Variants in BCHE observed in about 807,000 individuals in gnomAD.
The protein encoded by BCHE is butyrylcholinesterase, also known as cholinesterase.
In BCHE, 48 loss-of-function variants were observed where a neutral mutation model predicts 51.3. That is an observed-to-expected ratio of 0.94 (90% confidence interval 0.74 to 1.19). The LOEUF (loss-of-function observed/expected upper bound fraction) is 1.19. Ranked by LOEUF, BCHE falls within the 50% of genes most tolerant of loss-of-function variation. The pLI, the probability that BCHE is intolerant of heterozygous loss-of-function variation, is 0.00. For synonymous variants in BCHE, 251 were observed against 238.0 expected, an observed-to-expected ratio of 1.05 and a Z score of -0.50; for missense variants, 847 against 708.2, an observed-to-expected ratio of 1.20 and a Z score of -2.23.
At chr3:165,783,753 C>G (rs908214339) in intron 3 of BCHE, among the ~76,000 whole-genome samples, 5 of 151,926 alleles carry the variant, frequency 3.3e-5, no homozygotes, top group African/African-American at 1.2e-4. Context: ...GACAGTGGGT[C>G]ATTTTTCTAC....
At chr3:165,793,228 A>G (rs1713240891) in intron 2 of BCHE, among the ~76,000 whole-genome samples, 1 of 152,188 alleles carries the variant, frequency 6.6e-6, no homozygotes. Context: ...ACAAATTTCA[A>G]TACAGCTATA....
intron 2 of BCHE, among the ~76,000 whole-genome samples, chr3:165,814,130 A>C (rs1317141981): frequency 6.6e-6 from 1 of 152,060 alleles, no homozygotes; most frequent in East Asian, 1.9e-4. Flanking sequence ...ATTGTTAGTA[A>C]ATTTAGTAAT....
chr3:165,803,756 A>G (rs1348021752), intron 2 of BCHE, among the ~76,000 whole-genome samples: 4 of 152,082 alleles, frequency 2.6e-5, no homozygotes, highest in African/African-American at 9.7e-5. Flanking sequence ...TGAAGTGGGG[A>G]AGTATGTGAG....
chr3:165,818,914 A>C (rs972740164), intron 2 of BCHE, among the ~76,000 whole-genome samples: 1 of 152,154 alleles, frequency 6.6e-6, no homozygotes, highest in East Asian at 1.9e-4. Flanking sequence ...CTATGTGGCA[A>C]ACATGGCTTC....
At chr3:165,816,515 A>G (rs1244227102) in intron 2 of BCHE, among the ~76,000 whole-genome samples, 1 of 151,888 alleles carries the variant, frequency 6.6e-6, no homozygotes, top group Non-Finnish European at 1.5e-5. Flanking sequence ...TCAAATTGCA[A>G]TTACTGATTC....
At chr3:165,796,374 T>C (rs560038370) in intron 2 of BCHE, among the ~76,000 whole-genome samples, 2 of 152,284 alleles carry the variant, frequency 1.3e-5, no homozygotes, top group South Asian at 4.1e-4. Context: ...ATCCTGCATA[T>C]AAGGTGAGAC....
intron 2 of BCHE, among the ~76,000 whole-genome samples, chr3:165,826,521 G>A (rs1055707430): frequency 2.0e-5 from 3 of 151,960 alleles, no homozygotes; most frequent in Admixed American, 1.3e-4. Flanking sequence ...GGTGGGGGGG[G>A]ACTTTATTCT....
chr3:165,824,348 C>A (rs756191325), intron 2 of BCHE, among the ~76,000 whole-genome samples: 8 of 151,762 alleles, frequency 5.3e-5, no homozygotes, highest in Non-Finnish European at 1.0e-4. Flanking sequence ...GCAGAAAGAG[C>A]ATTTGTCACA....
rs904156113 is a variant in BCHE at position 165,780,663 on chromosome 3, C to A, written c.1684+5482G>T. Among the ~76,000 whole-genome samples the A allele has an allele frequency of 3.9e-5, 6 of 152,168 alleles. No homozygotes were observed. The East Asian group carries it at 1.2e-3, about 29-fold the overall frequency. On this transcript the variant is annotated intron_variant, in intron 3 of 3. Transcript: ENST00000264381. ...TGGCCAACAAATGTATGAAAAAAAG[C>A]TCAACATCACTGATCATTGGAGAAA...
At chr3:165,811,597 T>C (rs1714098259) in intron 2 of BCHE, among the ~76,000 whole-genome samples, 1 of 152,104 alleles carries the variant, frequency 6.6e-6, no homozygotes, top group Non-Finnish European at 1.5e-5. Flanking sequence ...GATTTGCTCT[T>C]AGAAAATTCT....
rs1225203192 is a variant in BCHE, at chr3:165,830,796, A to G, written c.238T>C (p.Trp80Arg). ...RFKKPQSLTK[W>R]SDIWNATKYA... ...TTTGTGGCATTCCAAATATCAGACC[A>G]CTTGGTCAGAGACTGTGGCTTTTTG... The change falls in exon 2 of 4, where the codon TGG becomes CGG. Residue 80 changes from tryptophan (W) to arginine (R), a missense_variant. Physicochemically the swap from Trp to Arg is moderately radical, Grantham distance 101 (BLOSUM62 -3). Transcript: ENST00000264381. 6.2e-6 allele frequency: 10 copies of G among 1,613,634 alleles called. No individual in the cohort carries two copies. The Admixed American group carries it at 1.7e-4, about 27-fold the overall frequency.
intron 2 of BCHE, among the ~76,000 whole-genome samples, chr3:165,803,498 A>G (rs1713746930): frequency 6.6e-6 from 1 of 152,242 alleles, no homozygotes; most frequent in Non-Finnish European, 1.5e-5. Context: ...TAATACATTT[A>G]TTTAACAATA....
rs769327758 is a variant in BCHE, at chr3:165,830,491, G to A, written c.543C>T (p.Phe181=). 27 of 1,613,694 alleles carry A rather than the reference G, an allele frequency of 1.7e-5. 1 individual carries two copies. Among genetic ancestry groups the A allele is most frequent in the Non-Finnish European group, 1.4e-5 (17 of 1,179,880 alleles). ...CCTCAGGATTTCCTGGCAAAGCTAA[G>A]AATCCTAGGGCACCCACCCTATAGT... ...SMNYRVGALG[F]LALPGNPEAP... The change falls in exon 2 of 4, where the codon TTC becomes TTT. Residue 181 remains phenylalanine, a synonymous_variant. Coordinates refer to ENST00000264381, the MANE Select transcript of BCHE (RefSeq NM_000055.4).
At chr3:165,822,916 G>C (rs551314173) in intron 2 of BCHE, among the ~76,000 whole-genome samples, 3 of 151,628 alleles carry the variant, frequency 2.0e-5, no homozygotes, top group African/African-American at 4.8e-5. Flanking sequence ...AATTTTTTTC[G>C]CTATCAAGTT....
chr3:165,784,430 A>G (rs190529099), intron 3 of BCHE, among the ~76,000 whole-genome samples: 1 of 152,106 alleles, frequency 6.6e-6, no homozygotes, highest in East Asian at 1.9e-4. Flanking sequence ...TTATGGGGGA[A>G]TTAATTAGAA....
chr3:165,801,132 C>T (rs187876625), intron 2 of BCHE, among the ~76,000 whole-genome samples: 1 of 152,244 alleles, frequency 6.6e-6, no homozygotes, highest in East Asian at 1.9e-4. Context: ...CTGGACTTTA[C>T]AGCTCTCATG....
intron 1 of BCHE, among the ~76,000 whole-genome samples, chr3:165,832,515 C>T (rs1392592565): frequency 6.6e-6 from 1 of 152,110 alleles, no homozygotes; most frequent in Admixed American, 6.6e-5. Flanking sequence ...TGGTCTCGAA[C>T]TCCTGACCTC....
intron 2 of BCHE, among the ~76,000 whole-genome samples, chr3:165,813,853 T>C (rs1236936786): frequency 2.0e-5 from 3 of 151,980 alleles, no homozygotes; most frequent in Admixed American, 1.3e-4. Context: ...AAACAACCAG[T>C]TCAGCTATCA....
chr3:165,773,383 T>C lies in BCHE; in HGVS notation c.1808A>G (p.Ter603=). 6.2e-7 allele frequency: 1 copy of C among 1,610,348 alleles called. No homozygotes were observed. The highest frequency in any genetic ancestry group is 1.3e-5 in the African/African-American group (1 of 74,950). Residue 603 remains the stop codon, a stop_retained_variant, in exon 4 of 4, where the codon TAA becomes TGA. Coordinates refer to ENST00000264381, the MANE Select transcript of BCHE (RefSeq NM_000055.4). The part of the protein sequence containing the change: ...TSKKESCVGL[*] ...TTCTATAAAGGGTAAATCTATTAAT[T>C]AGAGACCCACACAACTTTCTTTCTT...
Sources: gnomAD v4.1 joint callset for allele counts (sites outside exome capture counted in the v4.1 genomes callset) on GRCh38, gnomAD v4.1.1 for gene constraint, MANE v1.5 for transcripts, NCBI Gene and HGNC (gene_info 2026-07-23, HGNC 2026-07-21) for gene names.